The following ABCA12 variants were observed in gnomAD, a reference collection of about 807,000 sequenced individuals.
The protein encoded by ABCA12 is ATP binding cassette subfamily A member 12, also known as glucosylceramide transporter ABCA12.
In ABCA12, 156 loss-of-function variants were observed where a neutral mutation model predicts 293.5. The observed-to-expected ratio is 0.53, with a 90% CI of 0.47 to 0.61. The LOEUF (loss-of-function observed/expected upper bound fraction) is 0.61, where lower values mean the gene tolerates loss of function less well. Ranked by LOEUF, ABCA12 falls within the 20% of genes least tolerant of loss-of-function variation. The probability of loss-of-function intolerance (pLI) is 0.00; values close to 1 mark genes in which losing one functional copy is unlikely to be tolerated. For missense variants in ABCA12, 2,797 were observed against 3,090.2 expected, an observed-to-expected ratio of 0.91 and a Z score of 2.25; for synonymous variants, 1,063 against 1,108.0, an observed-to-expected ratio of 0.96 and a Z score of 0.81.
intron 1 of ABCA12, among the ~76,000 whole-genome samples, chr2:215,120,660 A>C (rs1462451159): frequency 6.6e-6 from 1 of 152,128 alleles, no homozygotes; most frequent in Non-Finnish European, 1.5e-5. Flanking sequence ...GTACGTTGAG[A>C]CTTAGGGAAA....
At chr2:215,134,534 A>G (rs1703154726) in intron 1 of ABCA12, among the ~76,000 whole-genome samples, 1 of 137,194 alleles carries the variant, frequency 7.3e-6, no homozygotes, top group Non-Finnish European at 1.6e-5. Context: ...ATACGTATAT[A>G]TGTACATATA....
chr2:215,075,391 G>T, intron 2 of ABCA12: 1 of 544,058 alleles, frequency 1.8e-6, no homozygotes, highest in Non-Finnish European at 3.2e-6. Flanking sequence ...GCTAACTTAT[G>T]AGTTATTGCC....
At chr2:215,076,631 A>G (rs1345574401) in intron 2 of ABCA12, among the ~76,000 whole-genome samples, 1 of 152,198 alleles carries the variant, frequency 6.6e-6, no homozygotes, top group African/African-American at 2.4e-5. Context: ...AAATGTGCCT[A>G]AGTCTAGAGA....
rs11300887 is a variant in ABCA12 at position 215,084,344 on chromosome 2, ACC to A, written c.164-20127_164-20126del. 5.9e-5 allele frequency among the ~76,000 whole-genome samples: 9 copies of A among 152,028 alleles called. No individual in the cohort carries two copies. The East Asian group carries it at 7.7e-4, about 13-fold the overall frequency. The stretch of plus-strand genomic sequence containing the variant: ...TTACAGACTGCATTATTTCAGAACC[ACC>A]CCCCCACCAAAAAAGTGCAAATAAC... On this transcript the variant is annotated intron_variant, in intron 2 of 52. Transcript: ENST00000272895.
chr2:215,133,304 C>A (rs1240933343), intron 1 of ABCA12, among the ~76,000 whole-genome samples: 3 of 151,192 alleles, frequency 2.0e-5, no homozygotes, highest in Admixed American at 1.3e-4. Context: ...TGGATGTCTA[C>A]CATTCAAGCA....
rs1378877523 is a variant in ABCA12 at position 214,950,420 on chromosome 2, G to GTGTGTA, written c.6852+458_6852+459insTACACA. Among the ~76,000 whole-genome samples the GTGTGTA allele has an allele frequency of 5.5e-5, 8 of 145,994 alleles. No individual in the cohort carries two copies. In the East Asian group the frequency reaches 6.0e-4, roughly 11 times the overall value. On this transcript the variant is annotated intron_variant, in intron 45 of 52. Coordinates refer to ENST00000272895, the MANE Select transcript of ABCA12 (RefSeq NM_173076.3). Reference sequence around the variant, plus strand: ...TGTGTGTGTGTGTGTGTGTGTGTGTGTATATATATGCATGTGTGTATATTT... The same window carrying GTGTGTA: ...TGTGTGTGTGTGTGTGTGTGTGTGTGTGTGTATATATATATGCATGTGTGTATATTT...
intron 23 of ABCA12, among the ~76,000 whole-genome samples, chr2:214,997,153 G>C (rs929977686): frequency 6.6e-6 from 1 of 152,176 alleles, no homozygotes; most frequent in African/African-American, 2.4e-5. Flanking sequence ...AACCCAATCA[G>C]TAGCATAACA....
chr2:214,969,721 C>T (rs1426758277), intron 37 of ABCA12, among the ~76,000 whole-genome samples: 1 of 151,808 alleles, frequency 6.6e-6, no homozygotes, highest in East Asian at 1.9e-4. Flanking sequence ...TTATTTTTTA[C>T]AATGAATATT....
intron 2 of ABCA12, among the ~76,000 whole-genome samples, chr2:215,105,350 T>C (rs954492011): frequency 9.9e-5 from 15 of 152,074 alleles, no homozygotes; most frequent in African/African-American, 2.7e-4. Flanking sequence ...TAAAAGGACA[T>C]GCATCAACGT....
At chr2:215,104,771 A>G (rs1215865856) in intron 2 of ABCA12, among the ~76,000 whole-genome samples, 3 of 152,182 alleles carry the variant, frequency 2.0e-5, no homozygotes, top group African/African-American at 7.2e-5. Context: ...CCTACACAAA[A>G]AATCTCTCCT....
chr2:215,094,154 C>G (rs1157659130), intron 2 of ABCA12, among the ~76,000 whole-genome samples: 5 of 152,174 alleles, frequency 3.3e-5, no homozygotes, highest in African/African-American at 9.7e-5. Flanking sequence ...CTTCCATATC[C>G]TGCACCACCA....
Position 215,134,612 on chromosome 2 carries a change from TATATAGAGAG to T in ABCA12, c.69+3518_69+3527del, listed in dbSNP as rs1191159731. Among the ~76,000 whole-genome samples the T allele has an allele frequency of 1.6e-4, 15 of 91,640 alleles. 1 individual carries two copies. Among genetic ancestry groups the T allele is most frequent in the African/African-American group, 1.2e-3 (15 of 12,494 alleles). 60.1% of individuals were successfully genotyped at this position (91,640 alleles called of 152,430 possible). A position where few individuals can be genotyped will look rare whatever the true frequency, so the allele number is the denominator to read the frequency against. On this transcript the variant is annotated intron_variant, in intron 1 of 52. Coordinates refer to ENST00000272895, the MANE Select transcript of ABCA12 (RefSeq NM_173076.3). Reference sequence around the variant, plus strand: ...CTCTCTCTCTCTCTATATATATATATATATAGAGAGAGAGAGAGAGAGAGAGAGACAAACA... The same window carrying T: ...CTCTCTCTCTCTCTATATATATATATAGAGAGAGAGAGAGAGAGACAAACA...
At chr2:215,064,691 A>ACG (rs199562322) in intron 2 of ABCA12, among the ~76,000 whole-genome samples, 4 of 109,988 alleles carry the variant, frequency 3.6e-5, no homozygotes, top group African/African-American at 9.2e-5. Flanking sequence ...CTTTTAATAC[A>ACG]CGCACACACA....
intron 36 of ABCA12, among the ~76,000 whole-genome samples, chr2:214,970,945 T>C (rs1193122779): frequency 6.6e-6 from 1 of 152,090 alleles, no homozygotes; most frequent in East Asian, 1.9e-4. Flanking sequence ...TACATAAACT[T>C]TTAGTTTGGG....
In ABCA12 at chr2:215,081,491, A is replaced by AC. The variant is rs1559182987; in HGVS notation, c.164-17273_164-17272insG. ...AAGACTCTGTCTCAAAAAAAAAAAA[A>AC]AGAAAAAGAAAAAAGAAAAAGAAAA... On this transcript the variant is annotated intron_variant, in intron 2 of 52. Transcript: ENST00000272895. Among the ~76,000 whole-genome samples the AC allele has an allele frequency of 4.0e-5, 4 of 100,474 alleles. 1 individual carries two copies. The highest frequency in any genetic ancestry group is 1.9e-4 in the African/African-American group (4 of 21,242). The allele number at this position is 100,474 out of a possible 152,430, so 65.9% of individuals were successfully genotyped here. A position where few individuals can be genotyped will look rare whatever the true frequency, so the allele number is the denominator to read the frequency against.
chr2:214,953,560 G>T (rs1158089622), intron 44 of ABCA12, among the ~76,000 whole-genome samples: 2 of 152,094 alleles, frequency 1.3e-5, no homozygotes, highest in Non-Finnish European at 2.9e-5. Flanking sequence ...TACATCTTTT[G>T]TTCATTTACA....
At chr2:215,109,355 C>T (rs1702524294) in intron 2 of ABCA12, among the ~76,000 whole-genome samples, 1 of 152,138 alleles carries the variant, frequency 6.6e-6, no homozygotes, top group South Asian at 2.1e-4. Context: ...TTTTGGCAAA[C>T]TGTAATCTCC....
intron 9 of ABCA12, among the ~76,000 whole-genome samples, chr2:215,031,136 T>C (rs1243612424): frequency 6.6e-6 from 1 of 152,204 alleles, no homozygotes; most frequent in Non-Finnish European, 1.5e-5. Flanking sequence ...TTAGACAGCA[T>C]GGTTGCTGCT....
At chr2:214,971,186 A>G (rs922037099) in intron 36 of ABCA12, among the ~76,000 whole-genome samples, 1 of 152,168 alleles carries the variant, frequency 6.6e-6, no homozygotes, top group Admixed American at 6.6e-5. Context: ...GCACGTTTTT[A>G]TAGTGCCACC....
Sources: allele counts gnomAD v4.1 joint callset (sites outside exome capture counted in the v4.1 genomes callset), GRCh38; gene constraint gnomAD v4.1.1; transcripts MANE v1.5; gene names NCBI Gene and HGNC (gene_info 2026-07-23, HGNC 2026-07-21).